Variants in CDK19 observed in about 807,000 individuals in gnomAD.
CDK19 encodes cyclin-dependent kinase 19.
Under a neutral mutation model 68.3 loss-of-function variants are expected in CDK19, and 20 were observed. The observed-to-expected ratio is 0.29, with a 90% CI of 0.21 to 0.43. The LOEUF (loss-of-function observed/expected upper bound fraction) is 0.43. Among genes scored for constraint, CDK19 ranks in the 20% least tolerant of loss-of-function variants. The pLI is 1.00. For synonymous variants in CDK19, 221 were observed against 222.8 expected, an observed-to-expected ratio of 0.99 and a Z score of 0.07; for missense variants, 339 against 623.5, an observed-to-expected ratio of 0.54 and a Z score of 4.86.
chr6:110,729,603 A>AT (rs35087722), intron 2 of CDK19, among the ~76,000 whole-genome samples: 3,404 of 134,180 alleles, frequency 0.025, 147 homozygotes, highest in African/African-American at 0.08. Flanking sequence ...TAATTTTTGT[A>AT]TTTTTTTTTT....
chr6:110,715,549 G>A (rs1188927379), intron 2 of CDK19, among the ~76,000 whole-genome samples: 1 of 152,012 alleles, frequency 6.6e-6, no homozygotes, highest in East Asian at 1.9e-4. Flanking sequence ...AGTGCTGCGG[G>A]GCATCTTGGC....
At chr6:110,705,767 T>C (rs1774416290) in intron 2 of CDK19, among the ~76,000 whole-genome samples, 2 of 152,052 alleles carry the variant, frequency 1.3e-5, no homozygotes, top group African/African-American at 4.8e-5. Context: ...AGAAACCAAA[T>C]GCCACATGTT....
At chr6:110,643,315 AG>A (rs751494071) in intron 4 of CDK19, 4 of 636,978 alleles carry the variant, frequency 6.3e-6, no homozygotes, top group Admixed American at 2.8e-5. Flanking sequence ...GAACCATAAA[AG>A]CTGAAAGTAA....
chr6:110,803,813 C>A (rs191655862), intron 1 of CDK19, among the ~76,000 whole-genome samples: 5 of 152,064 alleles, frequency 3.3e-5, no homozygotes, highest in Non-Finnish European at 7.4e-5. Flanking sequence ...ACAAGAAATG[C>A]AAGAATTAAT....
intron 8 of CDK19, among the ~76,000 whole-genome samples, chr6:110,624,838 C>T (rs1282717329): frequency 6.6e-6 from 1 of 152,128 alleles, no homozygotes; most frequent in African/African-American, 2.4e-5. Flanking sequence ...ACTCAGAGAC[C>T]CCTACTAGAC....
At chr6:110,810,901 T>A (rs1322525565) in intron 1 of CDK19, among the ~76,000 whole-genome samples, 1 of 151,904 alleles carries the variant, frequency 6.6e-6, no homozygotes, top group Admixed American at 6.6e-5. Context: ...TTTTTTGGTA[T>A]AAATGCACTT....
chr6:110,626,840 C>G lies in CDK19; in HGVS notation c.796G>C (p.Asp266His). The change falls in exon 8 of 13, where the codon GAC becomes CAC. Residue 266 changes from aspartate (D) to histidine (H), a missense_variant. This residue lies in a region of CDK19 where 63 missense variants were observed against 156.5 expected (regional missense o/e 0.40). Transcript: ENST00000368911. ...GGCATCTTTCTAATATCTTCCCAGTCTTTATCTTACAAAAAAATTAAATAT... is the reference window on the plus strand; with the variant it reads ...GGCATCTTTCTAATATCTTCCCAGTGTTTATCTTACAAAAAAATTAAATAT... The part of the protein sequence containing the change: ...FSVMGFPADK[D>H]WEDIRKMPEY... The G allele has an allele frequency of 1.9e-6, 3 of 1,542,890 alleles. No individual in the cohort carries two copies. Among genetic ancestry groups the G allele is most frequent in the Non-Finnish European group, 2.6e-6 (3 of 1,136,740 alleles).
chr6:110,612,356 G>A lies in CDK19; in HGVS notation c.*2179C>T, dbSNP rs1164735284. On this transcript the variant is annotated 3_prime_UTR_variant, in exon 13 of 13. Transcript: ENST00000368911. Reference sequence around the variant, plus strand: ...TGAATCACTGGCTTTCTCTAAGGTAGACTGACATAGAAACCCTTCCATAAT... The same window carrying A: ...TGAATCACTGGCTTTCTCTAAGGTAAACTGACATAGAAACCCTTCCATAAT... The A allele has an allele frequency of 6.6e-6, 1 of 152,614 alleles. No individual in the cohort carries two copies. Among genetic ancestry groups the A allele is most frequent in the Non-Finnish European group, 1.5e-5 (1 of 68,034 alleles). 9.5% of individuals were successfully genotyped at this position (152,614 alleles called of 1,614,324 possible). A position where few individuals can be genotyped will look rare whatever the true frequency, so the allele number is the denominator to read the frequency against.
chr6:110,702,401 T>C (rs1450456950), intron 2 of CDK19, among the ~76,000 whole-genome samples: 1 of 152,100 alleles, frequency 6.6e-6, no homozygotes, highest in East Asian at 1.9e-4. Context: ...GAGTTGTGAC[T>C]GTGCCACTGC....
chr6:110,757,369 A>T (rs1002463392), intron 1 of CDK19, among the ~76,000 whole-genome samples: 18 of 152,172 alleles, frequency 1.2e-4, no homozygotes, highest in Non-Finnish European at 2.9e-5. Flanking sequence ...CTCCCCTTAG[A>T]AAAGGAGAGC....
chr6:110,756,422 G>A (rs1778842033), intron 1 of CDK19, among the ~76,000 whole-genome samples: 1 of 151,420 alleles, frequency 6.6e-6, no homozygotes, highest in South Asian at 2.1e-4. Flanking sequence ...AATGAGCTGG[G>A]TGTGGTGGCT....
intron 8 of CDK19, among the ~76,000 whole-genome samples, chr6:110,623,873 A>G (rs1419070666): frequency 9.1e-6 from 1 of 110,216 alleles, no homozygotes; most frequent in South Asian, 3.4e-4. Context: ...TATATAGTAT[A>G]TATACGTATA....
At chr6:110,787,030 G>C (rs1330698217) in intron 1 of CDK19, among the ~76,000 whole-genome samples, 1 of 152,046 alleles carries the variant, frequency 6.6e-6, no homozygotes, top group African/African-American at 2.4e-5. Context: ...ACTAATTAAT[G>C]TTCCTTGTGG....
At chr6:110,771,616 C>T (rs1437985162) in intron 1 of CDK19, among the ~76,000 whole-genome samples, 5 of 152,206 alleles carry the variant, frequency 3.3e-5, no homozygotes, top group South Asian at 2.1e-4. Flanking sequence ...CTCCTCGTTA[C>T]TTATGCTAAT....
chr6:110,729,387 C>G (rs1333894807), intron 2 of CDK19, among the ~76,000 whole-genome samples: 4 of 151,970 alleles, frequency 2.6e-5, no homozygotes, highest in African/African-American at 9.7e-5. Flanking sequence ...AGATAAAGAA[C>G]AGTGGAAAAA....
intron 2 of CDK19, among the ~76,000 whole-genome samples, chr6:110,703,812 C>T (rs1019189221): frequency 3.3e-5 from 5 of 152,042 alleles, no homozygotes; most frequent in Admixed American, 2.0e-4. Context: ...TGCACTCTAG[C>T]CTCATTGACA....
At chr6:110,755,154 C>T (rs900241610) in intron 1 of CDK19, among the ~76,000 whole-genome samples, 2 of 151,922 alleles carry the variant, frequency 1.3e-5, no homozygotes, top group Non-Finnish European at 2.9e-5. Context: ...TATTCTGCTG[C>T]CTCAGCCTCC....
intron 1 of CDK19, chr6:110,814,784 C>A (rs1284659282): frequency 4.4e-6 from 3 of 679,298 alleles, no homozygotes; most frequent in East Asian, 5.9e-5. Context: ...GGGACCGACG[C>A]CTCGGACCGG....
rs769553849 is a variant in CDK19, at chr6:110,815,241, TCGCGCG to T, written c.-111_-106del. The stretch of plus-strand genomic sequence containing the variant: ...GCTCCACTTCTCCAACAGCCGCCTC[TCGCGCG>T]CGCGCGCGCGCCGCCCGCCGCCCGC... On this transcript the variant is annotated 5_prime_UTR_variant, in exon 1 of 13. Coordinates refer to ENST00000368911, the MANE Select transcript of CDK19 (RefSeq NM_015076.5). 43 of 1,130,404 alleles carry T rather than the reference TCGCGCG, an allele frequency of 3.8e-5. No individual in the cohort carries two copies. In the Admixed American group the frequency reaches 7.2e-4, roughly 19 times the overall value. The allele number at this position is 1,130,404 out of a possible 1,614,324, so 70.0% of individuals were successfully genotyped here.
Sources: allele counts gnomAD v4.1 joint callset (sites outside exome capture counted in the v4.1 genomes callset), GRCh38; gene constraint gnomAD v4.1.1; regional missense constraint gnomAD v4.1.1; transcripts MANE v1.5; gene names NCBI Gene and HGNC (gene_info 2026-07-23, HGNC 2026-07-21).